Variants in C5AR1 observed in about 807,000 individuals in gnomAD.
C5AR1 encodes the protein complement C5a receptor 1, also known as C5a anaphylatoxin chemotactic receptor 1.
Under a neutral mutation model 2.4 loss-of-function variants are expected in C5AR1, and 4 were observed. That is an observed-to-expected ratio of 1.65 (90% CI 0.81 to 3.77). C5AR1 has a LOEUF of 3.77. C5AR1 is among the 30% of genes most tolerant of loss of function. The pLI is 0.01. For missense variants in C5AR1, 418 were observed against 462.5 expected, an observed-to-expected ratio of 0.90 and a Z score of 0.88; for synonymous variants, 209 against 210.4, an observed-to-expected ratio of 0.99 and a Z score of 0.06.
intron 1 of C5AR1, among the ~76,000 whole-genome samples, chr19:47,314,352 A>G (rs925696642): frequency 1.3e-5 from 2 of 152,314 alleles, no homozygotes. Flanking sequence ...ACGTGCCACA[A>G]TGCAGCTACC....
At chr19:47,311,081 G>A (rs992158205) in intron 1 of C5AR1, among the ~76,000 whole-genome samples, 1 of 152,176 alleles carries the variant, frequency 6.6e-6, no homozygotes, top group Non-Finnish European at 1.5e-5. Context: ...GATGGACCAG[G>A]GAGGGGTCTG....
At chr19:47,309,301 G>A (rs1453899371), upstream of C5AR1, among the ~76,000 whole-genome samples, 2 of 152,128 alleles carry the variant, frequency 1.3e-5, no homozygotes, top group Non-Finnish European at 2.9e-5. Context: ...CAGGCCGGGC[G>A]CAGTGGCTCA....
intron 1 of C5AR1, among the ~76,000 whole-genome samples, chr19:47,311,229 C>T (rs886072213): frequency 7.2e-5 from 11 of 152,012 alleles, no homozygotes; most frequent in Admixed American, 2.0e-4. Context: ...AACTCATTCT[C>T]GGCCAGGCGC....
At chr19:47,311,722 G>A (rs2059271556) in intron 1 of C5AR1, among the ~76,000 whole-genome samples, 3 of 151,958 alleles carry the variant, frequency 2.0e-5, no homozygotes, top group African/African-American at 4.8e-5. Flanking sequence ...GCGCCACCAC[G>A]CCTGGCTAAT....
chr19:47,320,066 G>A lies in C5AR1; in HGVS notation c.289G>A (p.Val97Ile), dbSNP rs1398113913. 1.9e-6 allele frequency: 3 copies of A among 1,614,158 alleles called. No individual in the cohort carries two copies. Among genetic ancestry groups the A allele is most frequent in the Admixed American group, 3.3e-5 (2 of 60,026 alleles). ...GCTGCCCATCTTGTTCACGTCCATT[G>A]TACAGCATCACCACTGGCCCTTTGG... ...LALPILFTSI[V>I]QHHHWPFGGA... The change falls in exon 2 of 2, where the codon GTA becomes ATA. Residue 97 changes from valine (V) to isoleucine (I), a missense_variant. Coordinates refer to ENST00000355085, the MANE Select transcript of C5AR1 (RefSeq NM_001736.4). This position sits in a 1 kb window ranked among gnomAD's most constrained non-coding sequence, Gnocchi z 4.9.
upstream of C5AR1, among the ~76,000 whole-genome samples, chr19:47,309,193 C>A (rs965322059): frequency 1.1e-4 from 16 of 152,142 alleles, no homozygotes; most frequent in African/African-American, 3.6e-4. Context: ...GTTACAGTCT[C>A]TGCTTTCTTG....
At chr19:47,311,647 C>G (rs988095452) in intron 1 of C5AR1, among the ~76,000 whole-genome samples, 1 of 152,166 alleles carries the variant, frequency 6.6e-6, no homozygotes, top group African/African-American at 2.4e-5. Context: ...TCACCACAAC[C>G]TCTGCCTCGC....
chr19:47,309,177 G>A (rs1316962844), upstream of C5AR1, among the ~76,000 whole-genome samples: 3 of 152,170 alleles, frequency 2.0e-5, no homozygotes, highest in South Asian at 2.1e-4. Flanking sequence ...GGGAGGCTGA[G>A]TGGAGGTTAC....
At chr19:47,315,889 A>G (rs191222535) in intron 1 of C5AR1, among the ~76,000 whole-genome samples, 247 of 152,198 alleles carry the variant, frequency 1.6e-3, no homozygotes, top group Non-Finnish European at 2.6e-3. Flanking sequence ...TCATATACAT[A>G]TACATTTTAC....
rs929792038 is a variant in C5AR1, at chr19:47,321,912, C to T, written c.*1082C>T. On this transcript the variant is annotated 3_prime_UTR_variant, in exon 2 of 2. Coordinates refer to ENST00000355085, the MANE Select transcript of C5AR1 (RefSeq NM_001736.4). ...TCCACCCCCACACCCCAGCCGTGTC[C>T]CTAACCCCTGGCAACCAGGAATCCA... The T allele has an allele frequency of 1.3e-5, 2 of 151,988 alleles. No individual in the cohort carries two copies. Among genetic ancestry groups the T allele is most frequent in the Non-Finnish European group, 2.9e-5 (2 of 68,036 alleles). The allele number at this position is 151,988 out of a possible 1,614,324, so 9.4% of individuals were successfully genotyped here. A position where few individuals can be genotyped will look rare whatever the true frequency, so the allele number is the denominator to read the frequency against.
At position 47,321,881 on chromosome 19, in the gene C5AR1, C is replaced by T. The variant is rs1007731820; in HGVS notation, c.*1051C>T. On this transcript the variant is annotated 3_prime_UTR_variant, in exon 2 of 2. Transcript: ENST00000355085. ...ACCACAGGGATCCCCAGGATGCCCA[C>T]TTCCCTCCACCCCCACACCCCAGCC... The T allele has an allele frequency of 6.6e-6, 1 of 152,100 alleles. No homozygotes were observed. The highest frequency in any genetic ancestry group is 1.5e-5 in the Non-Finnish European group (1 of 68,058). The allele number at this position is 152,100 out of a possible 1,614,324, so 9.4% of individuals were successfully genotyped here. A position where few individuals can be genotyped will look rare whatever the true frequency, so the allele number is the denominator to read the frequency against.
At chr19:47,309,925 G>A (rs752831998) in intron 1 of C5AR1, 27 bp downstream of exon 1, 1 of 1,608,482 alleles carries the variant, frequency 6.2e-7, no homozygotes, top group Non-Finnish European at 8.5e-7. Flanking sequence ...AATGGGAGCA[G>A]GAAACTTTGT....
At chr19:47,308,651 GT>G (rs1169267048), upstream of C5AR1, among the ~76,000 whole-genome samples, 1 of 151,714 alleles carries the variant, frequency 6.6e-6, no homozygotes, top group African/African-American at 2.4e-5. Flanking sequence ...CGCCTCCTGG[GT>G]TCCAGCAATT....
At chr19:47,308,586 G>A (rs911711555), upstream of C5AR1, among the ~76,000 whole-genome samples, 15 of 149,520 alleles carry the variant, frequency 1.0e-4, no homozygotes, top group African/African-American at 3.2e-4. Context: ...TTGAGTCTTG[G>A]TGTTGTCAGC....
Position 47,319,848 on chromosome 19 carries a change from C to T in C5AR1, c.71C>T (p.Thr24Ile). The T allele has an allele frequency of 6.2e-7, 1 of 1,614,142 alleles. No individual in the cohort carries two copies. Among genetic ancestry groups the T allele is most frequent in the Non-Finnish European group, 8.5e-7 (1 of 1,179,956 alleles). ...GACAAGGATACCCTGGACCTCAACACCCCTGTGGATAAAACTTCTAACACG... is the reference window on the plus strand; with the variant it reads ...GACAAGGATACCCTGGACCTCAACATCCCTGTGGATAAAACTTCTAACACG... ...YDDKDTLDLN[T>I]PVDKTSNTLR... Residue 24 changes from threonine to isoleucine, a missense_variant, in exon 2 of 2, where the codon ACC (threonine) becomes ATC (isoleucine). By Grantham distance (89) the Thr-to-Ile change is moderately conservative. Transcript: ENST00000355085.
intron 1 of C5AR1, among the ~76,000 whole-genome samples, chr19:47,316,149 G>A (rs1421692031): frequency 6.6e-6 from 1 of 151,962 alleles, no homozygotes; most frequent in African/African-American, 2.4e-5. Flanking sequence ...GGGACTACAG[G>A]CACACACCAC....
intron 1 of C5AR1, 107 bp from the exon 2 acceptor site, chr19:47,319,674 T>G: frequency 1.4e-6 from 1 of 712,912 alleles, no homozygotes; most frequent in East Asian, 2.5e-5. Flanking sequence ...CATTTCCTAG[T>G]GAGAAAAAGC....
intron 1 of C5AR1, among the ~76,000 whole-genome samples, chr19:47,316,224 T>A (rs1020948100): frequency 1.6e-4 from 25 of 152,206 alleles, no homozygotes; most frequent in African/African-American, 5.3e-4. Context: ...GCCAGGCTGG[T>A]CTTGATCTTC....
rs150991662 is a variant in C5AR1, at chr19:47,319,498, G to A, written c.4-283G>A. ...TAATTTTTGTATTTTCAGTAGAGAC[G>A]GGGTTTTGCCATGTTGCCCAGGCTA... On this transcript the variant is annotated intron_variant, in intron 1 of 1. Coordinates refer to ENST00000355085, the MANE Select transcript of C5AR1 (RefSeq NM_001736.4). Among the ~76,000 whole-genome samples, 78 of 151,604 alleles carry A rather than the reference G, an allele frequency of 5.1e-4. No individual in the cohort carries two copies. In the East Asian group the frequency reaches 0.013, roughly 25 times the overall value.
Sources: allele counts gnomAD v4.1 joint callset (sites outside exome capture counted in the v4.1 genomes callset), GRCh38; gene constraint gnomAD v4.1.1; non-coding constraint Gnocchi (gnomAD v3.1); transcripts MANE v1.5; gene names NCBI Gene and HGNC (gene_info 2026-07-23, HGNC 2026-07-21).